FN3K: variants seen among roughly 807,000 people sequenced by gnomAD.
The protein encoded by FN3K is fructosamine 3 kinase.
FN3K carries 24 observed loss-of-function variants against 24.8 expected under a neutral mutation model. That is an observed-to-expected ratio of 0.97 (90% CI 0.70 to 1.36). The LOEUF is 1.36. FN3K is among the 40% of genes most tolerant of loss of function. The probability of loss-of-function intolerance (pLI) is 0.00; values close to 1 mark genes in which losing one functional copy is unlikely to be tolerated. For synonymous variants in FN3K, 192 were observed against 175.2 expected (o/e 1.10, Z -0.76); for missense variants, 449 against 416.7 (o/e 1.08, Z -0.67).
At position 82,737,340 on chromosome 17, in the gene FN3K, C is replaced by G. The variant is rs1298066128; in HGVS notation, c.142-1149C>G. Among the ~76,000 whole-genome samples, 6 of 152,066 alleles carry G rather than the reference C, an allele frequency of 3.9e-5. No homozygotes were observed. In the East Asian group the frequency reaches 1.2e-3, roughly 29 times the overall value. On this transcript the variant is annotated intron_variant, in intron 1 of 5. Coordinates refer to ENST00000300784, the MANE Select transcript of FN3K (RefSeq NM_022158.4). ...CCAGCCTGGCCATCATGGTGAAATTCCATCTCTTTTTTTTTGAGACGGACT... is the reference window on the plus strand; with the variant it reads ...CCAGCCTGGCCATCATGGTGAAATTGCATCTCTTTTTTTTTGAGACGGACT...
chr17:82,748,816 C>T, intron 4 of FN3K, 39 bp from the exon 5 acceptor site: 2 of 1,611,370 alleles, frequency 1.2e-6, no homozygotes, highest in South Asian at 2.2e-5. Context: ...GCACTTGGCT[C>T]CGAATTGCAA....
At chr17:82,746,512 C>T (rs1016413907) in intron 4 of FN3K, among the ~76,000 whole-genome samples, 4 of 151,766 alleles carry the variant, frequency 2.6e-5, no homozygotes, top group African/African-American at 9.7e-5. Flanking sequence ...TGGAAGCGTC[C>T]TTCAGAGGCT....
intron 4 of FN3K, among the ~76,000 whole-genome samples, chr17:82,748,137 G>A (rs957005764): frequency 4.0e-5 from 6 of 148,718 alleles, no homozygotes; most frequent in African/African-American, 1.5e-4. Context: ...AGCCACTCTA[G>A]CTTTCTTTTT....
At chr17:82,745,675 T>A (rs2046964720) in intron 4 of FN3K, 1 of 152,194 alleles carries the variant, frequency 6.6e-6, no homozygotes, top group Non-Finnish European at 1.5e-5. Context: ...TTTTTGCTCA[T>A]ACAAATAAAG....
At chr17:82,739,804 C>G (rs2046930790) in intron 2 of FN3K, among the ~76,000 whole-genome samples, 1 of 152,198 alleles carries the variant, frequency 6.6e-6, no homozygotes, top group Non-Finnish European at 1.5e-5. Flanking sequence ...GTCTCAAACT[C>G]CTGACCTCAG....
rs1211984834 is a variant in FN3K, at chr17:82,738,516, G to C, written c.169G>C (p.Ala57Pro). The C allele has an allele frequency of 5.0e-6, 8 of 1,611,708 alleles. No individual in the cohort carries two copies. Among genetic ancestry groups the C allele is most frequent in the Non-Finnish European group, 6.8e-6 (8 of 1,179,330 alleles). ...QARQMFEGEV[A>P]SLEALRSTGL... ...CCGGCAGATGTTTGAGGGGGAGGTGGCCAGCCTGGAGGCCCTCAGGAGCAC... is the reference window on the plus strand; with the variant it reads ...CCGGCAGATGTTTGAGGGGGAGGTGCCCAGCCTGGAGGCCCTCAGGAGCAC... The change falls in exon 2 of 6, where the codon GCC becomes CCC. Residue 57 changes from alanine to proline, a missense_variant. Coordinates refer to ENST00000300784, the MANE Select transcript of FN3K (RefSeq NM_022158.4).
At chr17:82,741,879 T>A (rs2143644537) in intron 4 of FN3K, among the ~76,000 whole-genome samples, 1 of 152,358 alleles carries the variant, frequency 6.6e-6, no homozygotes, top group Admixed American at 6.5e-5. Flanking sequence ...CACTGCTGTT[T>A]AACTCCAGAA....
Position 82,748,938 on chromosome 17 carries a change from T to G in FN3K, c.552T>G (p.Tyr184Ter). The change falls in exon 5 of 6, where the codon TAT becomes TAG. Residue 184 changes from tyrosine (Y) to a stop codon, truncating the protein, a stop_gained. Coordinates refer to ENST00000300784, the MANE Select transcript of FN3K (RefSeq NM_022158.4). LOFTEE classifies it low-confidence loss of function (END_TRUNC). ...AGCTGGACCTCATTGAGAAGGACTA[T>G]GCTGACCGAGAGGCACGAGAACTCT... ...QAQLDLIEKD[Y>*]ADREARELWS... 6.2e-7 allele frequency: 1 copy of G among 1,614,202 alleles called. No homozygotes were observed. The highest frequency in any genetic ancestry group is 2.2e-5 in the East Asian group (1 of 44,892).
chr17:82,743,412 C>T (rs2046951418), intron 4 of FN3K, among the ~76,000 whole-genome samples: 1 of 152,208 alleles, frequency 6.6e-6, no homozygotes, highest in Admixed American at 6.5e-5. Flanking sequence ...CCAGGGAGGA[C>T]ACCTGCCCTG....
At chr17:82,737,087 C>T (rs1044714199) in intron 1 of FN3K, among the ~76,000 whole-genome samples, 8 of 152,284 alleles carry the variant, frequency 5.3e-5, no homozygotes, top group Admixed American at 5.2e-4. Context: ...GGCCGCCCTC[C>T]CACCTGTGGA....
Position 82,735,653 on chromosome 17 carries a change from G to A in FN3K, c.17G>A (p.Arg6His), listed in dbSNP as rs1158695688. The change falls in exon 1 of 6, where the codon CGC becomes CAC. Residue 6 changes from arginine to histidine, a missense_variant. Arg to His is a conservative substitution (Grantham distance 29, BLOSUM62 0). Transcript: ENST00000300784. ...CCGCACTCCATGGAGCAGCTGCTGCGCGCCGAGCTGCGCACCGCGACCCTG... is the reference window on the plus strand; with the variant it reads ...CCGCACTCCATGGAGCAGCTGCTGCACGCCGAGCTGCGCACCGCGACCCTG... MEQLL[R>H]AELRTATLRA... is the part of the protein sequence containing the mutation. The A allele has an allele frequency of 1.3e-6, 2 of 1,536,996 alleles. No homozygotes were observed. The highest frequency in any genetic ancestry group is 2.3e-4 in the Middle Eastern group (1 of 4,330).
intron 1 of FN3K, among the ~76,000 whole-genome samples, chr17:82,737,405 G>A (rs2046908600): frequency 6.6e-6 from 1 of 151,908 alleles, no homozygotes; most frequent in South Asian, 2.1e-4. Context: ...CTCACTGCAA[G>A]CTGCGCCTCC....
intron 3 of FN3K, 133 bp from the exon 4 acceptor site, chr17:82,741,178 A>G (rs2046939097): frequency 1.3e-6 from 1 of 791,268 alleles, no homozygotes; most frequent in Non-Finnish European, 2.2e-6. Flanking sequence ...ACTAATTGCT[A>G]CTGTATGTAG....
intron 4 of FN3K, among the ~76,000 whole-genome samples, chr17:82,747,634 C>T (rs968589258): frequency 3.3e-5 from 5 of 151,962 alleles, no homozygotes; most frequent in South Asian, 2.1e-4. Context: ...CTCTTGACCT[C>T]GTGATCCACC....
At chr17:82,741,038 A>G in intron 3 of FN3K, 184 bp downstream of exon 3, 2 of 667,846 alleles carry the variant, frequency 3.0e-6, no homozygotes, top group Admixed American at 2.3e-5. Flanking sequence ...AGCTAGTAGA[A>G]TTGGCACATG....
At chr17:82,743,272 C>T (rs570759549) in intron 4 of FN3K, among the ~76,000 whole-genome samples, 4 of 152,304 alleles carry the variant, frequency 2.6e-5, no homozygotes, top group African/African-American at 9.6e-5. Flanking sequence ...ACCCAGAGCC[C>T]CTGTGTGTGA....
chr17:82,742,286 C>G (rs1328851233), intron 4 of FN3K, among the ~76,000 whole-genome samples: 1 of 152,166 alleles, frequency 6.6e-6, no homozygotes, highest in African/African-American at 2.4e-5. Context: ...GGTGATCCAC[C>G]CACCTCGGCC....
chr17:82,738,775 C>A (rs2046921735), intron 2 of FN3K, 135 bp downstream of exon 2: 2 of 1,104,034 alleles, frequency 1.8e-6, no homozygotes, highest in Non-Finnish European at 2.7e-6. Flanking sequence ...GCTGAGCCGT[C>A]CACACAACTG....
Position 82,743,840 on chromosome 17 carries a change from CCT to C in FN3K, c.468+2450_468+2451del, listed in dbSNP as rs532711323. Among the ~76,000 whole-genome samples, 177 of 152,322 alleles carry C rather than the reference CCT, an allele frequency of 1.2e-3. 1 individual carries two copies. Among genetic ancestry groups the C allele is most frequent in the African/African-American group, 4.1e-3 (169 of 41,580 alleles). On this transcript the variant is annotated intron_variant, in intron 4 of 5. Transcript: ENST00000300784. ...CACAGGCCCTGACCATGACGCAGCC[CCT>C]CTGTCAGGGGAGGCCTGGTCATTGG...
Sources: gnomAD v4.1 joint callset for allele counts (sites outside exome capture counted in the v4.1 genomes callset) on GRCh38, gnomAD v4.1.1 for gene constraint, MANE v1.5 for transcripts, NCBI Gene and HGNC (gene_info 2026-07-23, HGNC 2026-07-21) for gene names.